Variants in XYLT1 observed in about 807,000 individuals in gnomAD.
XYLT1 encodes beta-D-xylosyltransferase 1.
A neutral mutation model predicts 91.3 loss-of-function variants in XYLT1; 36 were observed. The observed-to-expected ratio is 0.39, with a 90% CI of 0.30 to 0.52. The LOEUF is 0.52. Among genes scored for constraint, XYLT1 ranks in the 20% least tolerant of loss-of-function variants. The probability of loss-of-function intolerance (pLI) is 0.68; values close to 1 mark genes in which losing one functional copy is unlikely to be tolerated. For synonymous variants in XYLT1, 588 were observed against 532.0 expected (o/e 1.11, Z -1.45); for missense variants, 1,242 against 1,284.5 (o/e 0.97, Z 0.51).
chr16:17,179,384 T>C (rs559133726), intron 5 of XYLT1, among the ~76,000 whole-genome samples: 9 of 152,308 alleles, frequency 5.9e-5, no homozygotes, highest in African/African-American at 2.2e-4. Flanking sequence ...AAATAAAAGC[T>C]AGAAAAGAAG....
chr16:17,340,193 G>A (rs1474049412), intron 2 of XYLT1, among the ~76,000 whole-genome samples: 1 of 152,036 alleles, frequency 6.6e-6, no homozygotes, highest in Non-Finnish European at 1.5e-5. Flanking sequence ...TCAATCTACA[G>A]TTCTAACAGT....
intron 2 of XYLT1, among the ~76,000 whole-genome samples, chr16:17,274,221 C>T (rs1221520641): frequency 6.6e-6 from 1 of 152,118 alleles, no homozygotes; most frequent in Non-Finnish European, 1.5e-5. Context: ...AACATATTAT[C>T]TGTTTATAAA....
chr16:17,214,015 G>C (rs2032810471), intron 3 of XYLT1, among the ~76,000 whole-genome samples: 1 of 152,190 alleles, frequency 6.6e-6, no homozygotes, highest in Admixed American at 6.5e-5. Flanking sequence ...ACTGTCACTT[G>C]GGAAGAGACA....
At chr16:17,258,463 T>C (rs988344937) in intron 3 of XYLT1, among the ~76,000 whole-genome samples, 1 of 141,450 alleles carries the variant, frequency 7.1e-6, no homozygotes, top group African/African-American at 2.6e-5. Flanking sequence ...AGAAAGAAAA[T>C]AAAGGAATGA....
chr16:17,256,649 G>GAAAAAA (rs374567962), intron 3 of XYLT1, among the ~76,000 whole-genome samples: 1 of 114,248 alleles, frequency 8.8e-6, no homozygotes, highest in African/African-American at 3.8e-5. Context: ...ACTCCGTCTC[G>GAAAAAA]AAAAAAAAAA....
chr16:17,449,666 T>C (rs1212002182), intron 1 of XYLT1, among the ~76,000 whole-genome samples: 6 of 152,236 alleles, frequency 3.9e-5, no homozygotes, highest in Non-Finnish European at 8.8e-5. Context: ...TAACATGTAG[T>C]ATGTGCTTAA....
intron 1 of XYLT1, among the ~76,000 whole-genome samples, chr16:17,415,487 C>T (rs911342928): frequency 6.6e-6 from 1 of 152,108 alleles, no homozygotes; most frequent in Non-Finnish European, 1.5e-5. Context: ...CTCAGGAGTT[C>T]AAGACCACCC....
chr16:17,133,275 C>T (rs969185340), intron 9 of XYLT1, among the ~76,000 whole-genome samples: 2 of 152,064 alleles, frequency 1.3e-5, no homozygotes, highest in East Asian at 1.9e-4. Flanking sequence ...CTTCTTCCCC[C>T]CAGCCCCGTC....
chr16:17,361,353 A>G (rs1474168544), intron 1 of XYLT1, among the ~76,000 whole-genome samples: 1 of 152,208 alleles, frequency 6.6e-6, no homozygotes, highest in East Asian at 1.9e-4. Context: ...CACAGAGAAA[A>G]TATATGCTTG....
At chr16:17,244,903 CA>C (rs2033410803) in intron 3 of XYLT1, among the ~76,000 whole-genome samples, 1 of 152,130 alleles carries the variant, frequency 6.6e-6, no homozygotes, top group African/African-American at 2.4e-5. Flanking sequence ...TGTGCAACAA[CA>C]ACAAAAAAAT....
rs573686340 is a variant in XYLT1 at position 17,175,529 on chromosome 16, T to C, written c.1290-16620A>G. ...GAAACAGGGATTTGCACCCAGGTCA[T>C]TTGACCTCAGAGTCCATATGCATCA... On this transcript the variant is annotated intron_variant, in intron 5 of 11. Transcript: ENST00000261381. Among the ~76,000 whole-genome samples, 5 of 152,268 alleles carry C rather than the reference T, an allele frequency of 3.3e-5. No individual in the cohort carries two copies. In the East Asian group the frequency reaches 9.7e-4, roughly 29 times the overall value.
intron 2 of XYLT1, among the ~76,000 whole-genome samples, chr16:17,308,256 C>G (rs76931356): frequency 0.03 from 4,629 of 152,302 alleles, 245 homozygotes; most frequent in African/African-American, 0.1. Flanking sequence ...GACCTGAGCT[C>G]CACCCTGGAC....
intron 1 of XYLT1, among the ~76,000 whole-genome samples, chr16:17,432,564 T>C (rs543516020): frequency 1.3e-5 from 2 of 152,298 alleles, no homozygotes; most frequent in South Asian, 4.1e-4. Flanking sequence ...ATCAGGGTTA[T>C]GAAAATGTCC....
intron 1 of XYLT1, among the ~76,000 whole-genome samples, chr16:17,414,342 T>G (rs758862630): frequency 2.6e-5 from 4 of 152,196 alleles, no homozygotes; most frequent in African/African-American, 4.8e-5. Flanking sequence ...TTTGTATTTA[T>G]TTTTTAGAGA....
chr16:17,459,060 TA>T (rs2036781461), intron 1 of XYLT1, among the ~76,000 whole-genome samples: 1 of 152,188 alleles, frequency 6.6e-6, no homozygotes, highest in South Asian at 2.1e-4. Flanking sequence ...AAAAAGCAAC[TA>T]AAAGAACGCA....
intron 2 of XYLT1, chr16:17,338,597 T>A (rs1188207420): frequency 2.3e-6 from 1 of 428,672 alleles, no homozygotes; most frequent in East Asian, 7.1e-5. Context: ...TGTCCCCTTA[T>A]CCTGGTCATT....
chr16:17,285,352 T>A (rs918881310), intron 2 of XYLT1, among the ~76,000 whole-genome samples: 10 of 152,190 alleles, frequency 6.6e-5, no homozygotes, highest in African/African-American at 2.2e-4. Flanking sequence ...ATTTAAAGCA[T>A]CCCGGAAGCC....
At chr16:17,318,569 A>G (rs2034670145) in intron 2 of XYLT1, among the ~76,000 whole-genome samples, 1 of 152,220 alleles carries the variant, frequency 6.6e-6, no homozygotes, top group Admixed American at 6.5e-5. Context: ...TGCTTTAGCA[A>G]AATGCAACGT....
chr16:17,309,533 T>C (rs1322157971), intron 2 of XYLT1, among the ~76,000 whole-genome samples: 2 of 152,248 alleles, frequency 1.3e-5, no homozygotes, highest in Middle Eastern at 3.4e-3. Flanking sequence ...TTCATGGACA[T>C]GCATCAGCTT....
Sources: gnomAD v4.1 joint callset for allele counts (sites outside exome capture counted in the v4.1 genomes callset) on GRCh38, gnomAD v4.1.1 for gene constraint, MANE v1.5 for transcripts, NCBI Gene and HGNC (gene_info 2026-07-23, HGNC 2026-07-21) for gene names.